Variants in LPP observed in about 807,000 individuals in gnomAD.
The protein encoded by LPP is LIM domain containing preferred translocation partner in lipoma.
LPP carries 38 observed loss-of-function variants against 60.4 expected under a neutral mutation model. That is an observed-to-expected ratio of 0.63 (90% CI 0.49 to 0.83). LPP has a LOEUF of 0.83. LPP is among the 40% of genes least tolerant of loss of function. The probability of loss-of-function intolerance (pLI) is 0.00; values close to 1 mark genes in which losing one functional copy is unlikely to be tolerated. For missense variants in LPP, 902 were observed against 783.6 expected (o/e 1.15, Z -1.80); for synonymous variants, 328 against 290.8 (o/e 1.13, Z -1.30).
At chr3:188,768,640 G>A (rs1023132581) in intron 9 of LPP, among the ~76,000 whole-genome samples, 1 of 151,990 alleles carries the variant, frequency 6.6e-6, no homozygotes, top group African/African-American at 2.4e-5. Context: ...TACATATTTC[G>A]ATTTATTATG....
At chr3:188,215,515 G>A (rs1713197967) in intron 1 of LPP, among the ~76,000 whole-genome samples, 3 of 152,082 alleles carry the variant, frequency 2.0e-5, no homozygotes, top group Admixed American at 2.0e-4. Flanking sequence ...CTGTATCTAA[G>A]TGGAATCATA....
chr3:188,498,643 G>T (rs1241188529), intron 5 of LPP, among the ~76,000 whole-genome samples: 1 of 152,076 alleles, frequency 6.6e-6, no homozygotes, highest in South Asian at 2.1e-4. Flanking sequence ...CACTCTTTTG[G>T]ACCCTGCTTT....
chr3:188,255,942 C>T (rs908919199), intron 2 of LPP, among the ~76,000 whole-genome samples: 4 of 152,058 alleles, frequency 2.6e-5, no homozygotes, highest in East Asian at 1.9e-4. Flanking sequence ...ACCGTCATAC[C>T]GTATCAGCAT....
At chr3:188,557,434 T>G (rs1829738140) in intron 6 of LPP, among the ~76,000 whole-genome samples, 1 of 152,080 alleles carries the variant, frequency 6.6e-6, no homozygotes, top group Non-Finnish European at 1.5e-5. Context: ...ATGGACAGAA[T>G]GAGATATCAT....
intron 3 of LPP, among the ~76,000 whole-genome samples, chr3:188,348,602 T>C (rs986216509): frequency 5.9e-5 from 9 of 152,240 alleles, no homozygotes; most frequent in African/African-American, 2.2e-4. Flanking sequence ...ATCTTGACAG[T>C]TGTAAGTCTC....
chr3:188,195,345 C>A (rs888195751), intron 1 of LPP, among the ~76,000 whole-genome samples: 2 of 151,946 alleles, frequency 1.3e-5, no homozygotes, highest in Non-Finnish European at 2.9e-5. Flanking sequence ...ATGAAACTTA[C>A]GCCGTTAATA....
intron 3 of LPP, among the ~76,000 whole-genome samples, chr3:188,391,977 G>A (rs1779796796): frequency 6.6e-6 from 1 of 152,090 alleles, no homozygotes; most frequent in Non-Finnish European, 1.5e-5. Flanking sequence ...ATATATTTTG[G>A]CAGAATTTCT....
chr3:188,778,781 C>A (rs963523029), intron 9 of LPP, among the ~76,000 whole-genome samples: 6 of 152,112 alleles, frequency 3.9e-5, no homozygotes, highest in Non-Finnish European at 8.8e-5. Context: ...GTTCTATTTA[C>A]CCTGAGGAGA....
chr3:188,726,128 A>T (rs535469141), intron 8 of LPP, among the ~76,000 whole-genome samples: 8 of 152,258 alleles, frequency 5.3e-5, no homozygotes, highest in South Asian at 2.1e-4. Flanking sequence ...TTGATTAAAG[A>T]TCACTCTGGG....
In LPP at chr3:188,182,280, A is replaced by C. The variant is rs931806724; in HGVS notation, c.-190+28028A>C. 7.9e-5 allele frequency among the ~76,000 whole-genome samples: 12 copies of C among 152,286 alleles called. No individual in the cohort carries two copies. Among genetic ancestry groups the C allele is most frequent in the African/African-American group, 2.4e-4 (10 of 41,560 alleles). ...ATCACTTAGCACTTGTTACCAGTGG[A>C]GACTCTCGGTCTCACCCCAGAATCT... On this transcript the variant is annotated intron_variant, in intron 1 of 11. Transcript: ENST00000617246. The surrounding 1 kb of genome is among the most constrained non-coding windows in gnomAD (Gnocchi z 4.4).
intron 4 of LPP, among the ~76,000 whole-genome samples, chr3:188,420,461 G>C (rs1787495399): frequency 6.6e-6 from 1 of 152,118 alleles, no homozygotes; most frequent in South Asian, 2.1e-4. Context: ...AATGTCAGTT[G>C]CTACAGAGAG....
At chr3:188,764,906 G>A (rs1249108797) in intron 9 of LPP, among the ~76,000 whole-genome samples, 1 of 152,128 alleles carries the variant, frequency 6.6e-6, no homozygotes, top group Non-Finnish European at 1.5e-5. Context: ...AAGGGCCTCT[G>A]GAAATAGGAG....
chr3:188,596,673 A>G (rs1479754806), intron 6 of LPP, among the ~76,000 whole-genome samples: 1 of 152,192 alleles, frequency 6.6e-6, no homozygotes, highest in African/African-American at 2.4e-5. Flanking sequence ...TGTGCTCTAA[A>G]TATGATGTCC....
At chr3:188,754,457 T>A in intron 8 of LPP, among the ~76,000 whole-genome samples, 1 of 152,182 alleles carries the variant, frequency 6.6e-6, no homozygotes, top group Admixed American at 6.6e-5. Flanking sequence ...CCAAACTGTT[T>A]TGCATGCGGA....
intron 5 of LPP, among the ~76,000 whole-genome samples, chr3:188,495,489 A>G (rs1353273157): frequency 1.3e-5 from 2 of 152,110 alleles, no homozygotes; most frequent in Non-Finnish European, 2.9e-5. Context: ...TAAATAGACA[A>G]TAACAAAATC....
Position 188,384,789 on chromosome 3 carries a change from C to CAA in LPP, c.-9-21288_-9-21287dup, listed in dbSNP as rs561284077. ...TGGGCGACAGAGCGAGACTCTGTCTCAAAAAAAAAAAAAAAAAAAAAAAAA... is the reference window on the plus strand; with the variant it reads ...TGGGCGACAGAGCGAGACTCTGTCTCAAAAAAAAAAAAAAAAAAAAAAAAAAA... On this transcript the variant is annotated intron_variant, in intron 3 of 11. Coordinates refer to ENST00000617246, the MANE Select transcript of LPP (RefSeq NM_001375462.1). Among the ~76,000 whole-genome samples the CAA allele has an allele frequency of 7.5e-3, 387 of 51,376 alleles. 37 individuals are homozygous for CAA. Among genetic ancestry groups the CAA allele is most frequent in the African/African-American group, 0.03 (380 of 12,532 alleles). 33.7% of individuals were successfully genotyped at this position (51,376 alleles called of 152,430 possible).
At chr3:188,729,435 A>G (rs1719614567) in intron 8 of LPP, among the ~76,000 whole-genome samples, 1 of 152,226 alleles carries the variant, frequency 6.6e-6, no homozygotes, top group South Asian at 2.1e-4. Context: ...CTGAAGGGAT[A>G]ACCATTTCTA....
intron 2 of LPP, among the ~76,000 whole-genome samples, chr3:188,309,000 CCTT>C (rs201824139): frequency 1.7e-4 from 25 of 146,724 alleles, no homozygotes; most frequent in African/African-American, 4.9e-4. Context: ...CTCTCCTTCT[CCTT>C]CTTCTTTTTC....
chr3:188,528,129 G>C (rs1477194595), intron 6 of LPP, among the ~76,000 whole-genome samples: 1 of 152,118 alleles, frequency 6.6e-6, no homozygotes, highest in Non-Finnish European at 1.5e-5. Flanking sequence ...TAGAGTATCA[G>C]AGCTTTAGTG....
Sources: gnomAD v4.1 joint callset for allele counts (sites outside exome capture counted in the v4.1 genomes callset) on GRCh38, gnomAD v4.1.1 for gene constraint, Gnocchi (gnomAD v3.1) non-coding constraint, MANE v1.5 for transcripts, NCBI Gene and HGNC (gene_info 2026-07-23, HGNC 2026-07-21) for gene names.